The following GTF3C3 variants were observed in gnomAD, a reference collection of about 807,000 sequenced individuals.
GTF3C3 encodes the protein general transcription factor IIIC subunit 3, also known as general transcription factor 3C polypeptide 3.
A neutral mutation model predicts 105.2 loss-of-function variants in GTF3C3; 75 were observed. That is an observed-to-expected ratio of 0.71 (90% CI 0.59 to 0.86). The LOEUF (loss-of-function observed/expected upper bound fraction) is 0.86. Among genes scored for constraint, GTF3C3 ranks in the 40% least tolerant of loss-of-function variants. The probability of loss-of-function intolerance (pLI) is 0.00; values close to 1 mark genes in which losing one functional copy is unlikely to be tolerated. For synonymous variants in GTF3C3, 335 were observed against 370.4 expected (o/e 0.90, Z 1.10); for missense variants, 856 against 1,076.5 (o/e 0.80, Z 2.87).
At position 196,775,324 on chromosome 2, in the gene GTF3C3, T is replaced by C. The variant is rs565395196; in HGVS notation, c.1696-73A>G. ...GTTTAGAGACAAAGTCTTGTTATGT[T>C]GGCTCAGGCTGGATTTGAACTCCTA... On this transcript the variant is annotated intron_variant, in intron 12 of 17. Coordinates refer to ENST00000263956, the MANE Select transcript of GTF3C3 (RefSeq NM_012086.5). 12 of 1,388,890 alleles carry C rather than the reference T, an allele frequency of 8.6e-6. No homozygotes were observed. In the Admixed American group the frequency reaches 2.4e-4, roughly 28 times the overall value. 86.0% of individuals were successfully genotyped at this position (1,388,890 alleles called of 1,614,324 possible). A position where few individuals can be genotyped will look rare whatever the true frequency, so the allele number is the denominator to read the frequency against.
At chr2:196,793,545 G>T (rs1316836619) in intron 2 of GTF3C3, among the ~76,000 whole-genome samples, 1 of 152,166 alleles carries the variant, frequency 6.6e-6, no homozygotes, top group Non-Finnish European at 1.5e-5. Flanking sequence ...CAAGCTGCCT[G>T]GTTCCAAACT....
chr2:196,799,422 C>T, intron 1 of GTF3C3, 88 bp downstream of exon 1: 1 of 955,520 alleles, frequency 1.0e-6, no homozygotes, highest in Non-Finnish European at 1.7e-6. Flanking sequence ...CCCGCCCCAT[C>T]ACAGTGAAAG....
chr2:196,785,428 T>C lies in GTF3C3; in HGVS notation c.1041+13A>G, dbSNP rs1398785192. On this transcript the variant is annotated intron_variant, in intron 7 of 17. Transcript: ENST00000263956. ...ATGCAAAACTTAACAGAGAAACACA[T>C]AAGCATTCCTACCTCCAAAGCTTTG... is the stretch of plus-strand genomic sequence containing the variant. 1.3e-6 allele frequency: 2 copies of C among 1,577,166 alleles called. No individual in the cohort carries two copies. Among genetic ancestry groups the C allele is most frequent in the Non-Finnish European group, 1.7e-6 (2 of 1,160,016 alleles).
Position 196,792,978 on chromosome 2 carries a change from C to T in GTF3C3, c.389G>A (p.Arg130His), listed in dbSNP as rs1246832442. The T allele has an allele frequency of 8.1e-6, 13 of 1,611,116 alleles. No homozygotes were observed. Among genetic ancestry groups the T allele is most frequent in the Non-Finnish European group, 1.1e-5 (13 of 1,178,508 alleles). Residue 130 changes from arginine (R) to histidine (H), a missense_variant, in exon 3 of 18, where the codon CGT becomes CAT. By Grantham distance (29) the Arg-to-His change is conservative. Coordinates refer to ENST00000263956, the MANE Select transcript of GTF3C3 (RefSeq NM_012086.5). ...DVFVLEMVLN[R>H]ETKKMMKEKR... is the part of the protein sequence containing the mutation. ...TACTTTCATCATTTTCTTGGTTTCA[C>T]GATTGAGAACCATCTCCAATACAAA...
intron 16 of GTF3C3, among the ~76,000 whole-genome samples, chr2:196,768,315 C>G (rs13036248): frequency 0.43 from 64,955 of 151,954 alleles, 14,552 homozygotes; most frequent in African/African-American, 0.56. Context: ...CACTGTGCCT[C>G]GCCAAAAACA....
At chr2:196,794,949 G>C (rs771041399) in intron 2 of GTF3C3, among the ~76,000 whole-genome samples, 8 of 143,216 alleles carry the variant, frequency 5.6e-5, no homozygotes, top group Non-Finnish European at 1.1e-4. Context: ...GGTTGGTCTC[G>C]AACTCCTGAC....
At chr2:196,770,689 T>C (rs1012964207) in intron 15 of GTF3C3, among the ~76,000 whole-genome samples, 1 of 152,194 alleles carries the variant, frequency 6.6e-6, no homozygotes, top group Admixed American at 6.5e-5. Context: ...GAATAACATA[T>C]AATGTATCAC....
rs562262306 is a variant in GTF3C3, at chr2:196,763,814, T to C, written c.*749A>G. The C allele has an allele frequency of 3.3e-5, 5 of 152,284 alleles. No homozygotes were observed. In the South Asian group the frequency reaches 1.0e-3, roughly 32 times the overall value. 9.4% of individuals were successfully genotyped at this position (152,284 alleles called of 1,614,324 possible). On this transcript the variant is annotated 3_prime_UTR_variant, in exon 18 of 18. Coordinates refer to ENST00000263956, the MANE Select transcript of GTF3C3 (RefSeq NM_012086.5). ...AACAAAAAAAAAGTTTTTTACTTTA[T>C]CAATCAGCAGTATGTCCTTTATTCC...
At position 196,763,304 on chromosome 2, in the gene GTF3C3, C is replaced by T. The variant is rs1699002284; in HGVS notation, c.*1259G>A. On this transcript the variant is annotated 3_prime_UTR_variant, in exon 18 of 18. Coordinates refer to ENST00000263956, the MANE Select transcript of GTF3C3 (RefSeq NM_012086.5). ...TTTAGTAGACACTGGAGCCACAGTC[C>T]AGTGAGCTAATTTAAGAGAGAAACT... 6.6e-6 allele frequency: 1 copy of T among 152,108 alleles called. No homozygotes were observed. Among genetic ancestry groups the T allele is most frequent in the Non-Finnish European group, 1.5e-5 (1 of 68,030 alleles). The allele number at this position is 152,108 out of a possible 1,614,324, so 9.4% of individuals were successfully genotyped here.
intron 15 of GTF3C3, among the ~76,000 whole-genome samples, chr2:196,770,851 T>G (rs1333995805): frequency 1.3e-5 from 2 of 152,104 alleles, no homozygotes; most frequent in Non-Finnish European, 2.9e-5. Flanking sequence ...AATATTTTTA[T>G]TTTCTTAATA....
At chr2:196,764,724 A>C (rs1699030627) in intron 17 of GTF3C3, 39 bp from the exon 18 acceptor site, 1 of 1,569,324 alleles carries the variant, frequency 6.4e-7, no homozygotes, top group Non-Finnish European at 8.7e-7. Flanking sequence ...AATATTTCCA[A>C]CTGTCAACCG....
Position 196,763,802 on chromosome 2 carries a change from T to G in GTF3C3, c.*761A>C, listed in dbSNP as rs1032051185. On this transcript the variant is annotated 3_prime_UTR_variant, in exon 18 of 18. Transcript: ENST00000263956. ...GATGAGTAAACAAACAAAAAAAAAG[T>G]TTTTTACTTTATCAATCAGCAGTAT... 2 of 151,968 alleles carry G rather than the reference T, an allele frequency of 1.3e-5. No homozygotes were observed. Among genetic ancestry groups the G allele is most frequent in the South Asian group, 2.1e-4 (1 of 4,828 alleles). 9.4% of individuals were successfully genotyped at this position (151,968 alleles called of 1,614,324 possible). A position where few individuals can be genotyped will look rare whatever the true frequency, so the allele number is the denominator to read the frequency against.
chr2:196,799,042 A>G (rs978677925), intron 1 of GTF3C3, among the ~76,000 whole-genome samples: 2 of 152,158 alleles, frequency 1.3e-5, no homozygotes. Context: ...ATACTTTTTT[A>G]TGGACTATTA....
chr2:196,799,670 G>C lies in GTF3C3; in HGVS notation c.-59C>G, dbSNP rs754130288. 3 of 1,267,234 alleles carry C rather than the reference G, an allele frequency of 2.4e-6. No individual in the cohort carries two copies. Among genetic ancestry groups the C allele is most frequent in the South Asian group, 1.2e-5 (1 of 82,932 alleles). 78.5% of individuals were successfully genotyped at this position (1,267,234 alleles called of 1,614,324 possible). ...CGGGACAGAGAACCGGAAGAGCAGC[G>C]CCTTCCAGAAGCTACCTCGCCGGGG... On this transcript the variant is annotated 5_prime_UTR_variant, in exon 1 of 18. Transcript: ENST00000263956.
chr2:196,797,510 A>G (rs1050323320), intron 2 of GTF3C3, among the ~76,000 whole-genome samples: 1 of 152,362 alleles, frequency 6.6e-6, no homozygotes, highest in South Asian at 2.1e-4. Flanking sequence ...TTAGTTACCA[A>G]CTGAGAGGGC....
At chr2:196,768,322 AAC>A (rs1367886744) in intron 16 of GTF3C3, among the ~76,000 whole-genome samples, 6 of 152,298 alleles carry the variant, frequency 3.9e-5, no homozygotes, top group Middle Eastern at 3.4e-3. Context: ...CCTCGCCAAA[AAC>A]ACACAGTTTA....
chr2:196,784,770 C>A, intron 8 of GTF3C3, 87 bp downstream of exon 8: 1 of 1,456,482 alleles, frequency 6.9e-7, no homozygotes, highest in Non-Finnish European at 9.1e-7. Context: ...CAACTCACCA[C>A]AGTATGAAAT....
chr2:196,770,281 C>T, intron 15 of GTF3C3, among the ~76,000 whole-genome samples: 1 of 152,180 alleles, frequency 6.6e-6, no homozygotes, highest in Admixed American at 6.5e-5. Context: ...TTTCTAGGCA[C>T]AGCTAGACAT....
chr2:196,775,896 AAGTTTG>A, intron 12 of GTF3C3, 108 bp downstream of exon 12: 1 of 510,182 alleles, frequency 2.0e-6, no homozygotes, highest in Non-Finnish European at 3.4e-6. Flanking sequence ...TCATTTTTAA[AAGTTTG>A]AGTTTAATGA....
Sources: gnomAD v4.1 joint callset for allele counts (sites outside exome capture counted in the v4.1 genomes callset) on GRCh38, gnomAD v4.1.1 for gene constraint, MANE v1.5 for transcripts, NCBI Gene and HGNC (gene_info 2026-07-23, HGNC 2026-07-21) for gene names.